The following NSRP1 variants were observed in gnomAD, a reference collection of about 807,000 sequenced individuals.
NSRP1 encodes nuclear speckle splicing regulatory protein 1, also known as coiled-coil domain containing 55.
A neutral mutation model predicts 54.7 loss-of-function variants in NSRP1; 24 were observed. The observed-to-expected ratio is 0.44, with a 90% CI of 0.32 to 0.62. The LOEUF is 0.62. Ranked by LOEUF, NSRP1 falls within the 20% of genes least tolerant of loss-of-function variation. The probability of loss-of-function intolerance (pLI) is 0.06; values close to 1 mark genes in which losing one functional copy is unlikely to be tolerated. For missense variants in NSRP1, 596 were observed against 651.2 expected, an observed-to-expected ratio of 0.92 and a Z score of 0.92; for synonymous variants, 210 against 213.8, an observed-to-expected ratio of 0.98 and a Z score of 0.15.
Position 30,160,486 on chromosome 17 carries a change from TGTTCAG to T in NSRP1, c.115-12052_115-12047del, listed in dbSNP as rs1210298599. 2.0e-5 allele frequency among the ~76,000 whole-genome samples: 3 copies of T among 152,242 alleles called. No individual in the cohort carries two copies. The East Asian group carries it at 5.8e-4, about 29-fold the overall frequency. On this transcript the variant is annotated intron_variant, in intron 2 of 6. Transcript: ENST00000247026. ...TGATTCAATCTCATTACTCGTTGTT[TGTTCAG>T]GTTTTCTGTTTCTTCCTGATTCAAT...
intron 2 of NSRP1, among the ~76,000 whole-genome samples, chr17:30,157,201 A>G (rs1025490642): frequency 6.6e-6 from 1 of 152,066 alleles, no homozygotes; most frequent in Non-Finnish European, 1.5e-5. Context: ...GGGTAAGATG[A>G]TATCATTGTG....
chr17:30,123,158 G>A (rs2151874924), intron 2 of NSRP1, among the ~76,000 whole-genome samples: 1 of 152,112 alleles, frequency 6.6e-6, no homozygotes, highest in African/African-American at 2.4e-5. Flanking sequence ...GGAGTGCAGT[G>A]GCACGAACTT....
chr17:30,177,622 A>G (rs1905171693), intron 3 of NSRP1, among the ~76,000 whole-genome samples: 1 of 152,186 alleles, frequency 6.6e-6, no homozygotes, highest in African/African-American at 2.4e-5. Flanking sequence ...AAAGTTTAAT[A>G]TATAATACAG....
chr17:30,148,588 A>G (rs1282989905), intron 2 of NSRP1, among the ~76,000 whole-genome samples: 1 of 152,190 alleles, frequency 6.6e-6, no homozygotes, highest in East Asian at 1.9e-4. Flanking sequence ...AGGAAGGGAA[A>G]CAGTTTAGGA....
At chr17:30,138,810 C>A (rs1439137219) in intron 2 of NSRP1, among the ~76,000 whole-genome samples, 1 of 150,262 alleles carries the variant, frequency 6.7e-6, no homozygotes. Context: ...CACAAAAGTT[C>A]CAATTTCTCT....
chr17:30,180,834 T>C (rs1905267615), intron 5 of NSRP1, 74 bp from the exon 6 acceptor site: 1 of 946,206 alleles, frequency 1.1e-6, no homozygotes. Flanking sequence ...GTATGTTATA[T>C]ACTGTATGTC....
intron 2 of NSRP1, among the ~76,000 whole-genome samples, chr17:30,139,203 C>T (rs2071780685): frequency 6.6e-6 from 1 of 152,072 alleles, no homozygotes; most frequent in Non-Finnish European, 1.5e-5. Flanking sequence ...AGGCGTGAGC[C>T]ACCGCACCCA....
chr17:30,125,751 TTGGCCAGGC>T (rs1410181974), intron 2 of NSRP1: 3 of 152,292 alleles, frequency 2.0e-5, no homozygotes, highest in Admixed American at 1.3e-4. Flanking sequence ...TTTTGCCATG[TTGGCCAGGC>T]TGGTCTTGAA....
chr17:30,175,127 A>G (rs929546859), intron 3 of NSRP1, among the ~76,000 whole-genome samples: 1 of 152,092 alleles, frequency 6.6e-6, no homozygotes, highest in African/African-American at 2.4e-5. Context: ...TTATTTTTCT[A>G]ACTTTTTGAG....
chr17:30,126,966 A>C (rs927662140), intron 2 of NSRP1, among the ~76,000 whole-genome samples: 1 of 152,214 alleles, frequency 6.6e-6, no homozygotes, highest in African/African-American at 2.4e-5. Context: ...TCCAGATAGT[A>C]AATGTTTTAG....
chr17:30,126,588 A>G (rs1461615266), intron 2 of NSRP1, among the ~76,000 whole-genome samples: 1 of 152,072 alleles, frequency 6.6e-6, no homozygotes, highest in Non-Finnish European at 1.5e-5. Context: ...CATCTAGCCT[A>G]GCTTCGTATT....
At chr17:30,134,077 G>A (rs1056254879) in intron 2 of NSRP1, among the ~76,000 whole-genome samples, 50 of 152,250 alleles carry the variant, frequency 3.3e-4, no homozygotes, top group Middle Eastern at 3.4e-3. Context: ...CCATTGTAGG[G>A]TTATTAGTTG....
At chr17:30,133,358 C>T (rs2071719701) in intron 2 of NSRP1, among the ~76,000 whole-genome samples, 1 of 152,036 alleles carries the variant, frequency 6.6e-6, no homozygotes, top group Non-Finnish European at 1.5e-5. Flanking sequence ...CATTCATCTC[C>T]TTGTACATCT....
At chr17:30,182,870 G>C (rs968985879) in intron 6 of NSRP1, among the ~76,000 whole-genome samples, 1 of 148,728 alleles carries the variant, frequency 6.7e-6, no homozygotes, top group African/African-American at 2.5e-5. Flanking sequence ...GGAGGCGGAG[G>C]TTGCAGTGAG....
Position 30,179,280 on chromosome 17 carries a change from G to A in NSRP1, c.491G>A (p.Arg164Lys). 1 of 1,581,402 alleles carries A rather than the reference G, an allele frequency of 6.3e-7. No homozygotes were observed. The highest frequency in any genetic ancestry group is 1.2e-5 in the South Asian group (1 of 84,956). ...ERAEEEEREKRAAALEACLDV... is the reference protein window; with the variant it reads ...ERAEEEEREKKAAALEACLDV... ...GCTGAAGAAGAAGAAAGAGAAAAGA[G>A]GGCTGCTGCACTGGAAGGTAAAATG... The change falls in exon 5 of 7, where the codon AGG becomes AAG. Residue 164 changes from arginine (R) to lysine (K), a missense_variant. Arg to Lys is a conservative substitution (Grantham distance 26). Coordinates refer to ENST00000247026, the MANE Select transcript of NSRP1 (RefSeq NM_032141.4).
intron 6 of NSRP1, among the ~76,000 whole-genome samples, chr17:30,181,536 C>T (rs540638736): frequency 6.0e-5 from 9 of 150,308 alleles, no homozygotes; most frequent in Non-Finnish European, 1.2e-4. Flanking sequence ...ACTACAGGTG[C>T]AAGCCATCAT....
chr17:30,178,179 C>G lies in NSRP1; in HGVS notation c.280C>G (p.Leu94Val), dbSNP rs1905190157. 6.2e-7 allele frequency: 1 copy of G among 1,605,326 alleles called. No homozygotes were observed. The change falls in exon 4 of 7, where the codon CTT becomes GTT. Residue 94 changes from leucine (L) to valine (V), a missense_variant. Physicochemically the swap from Leu to Val is conservative, Grantham distance 32. Transcript: ENST00000247026. ...AAAGGAGGAAAATAATCCCAAATTG[C>G]TTTTGGGGAAAGACAGAAAGGTTTG... ...KKKEENNPKLLLGKDRKPKYI... is the reference protein window; with the variant it reads ...KKKEENNPKLVLGKDRKPKYI...
chr17:30,173,376 G>A (rs1258695222), intron 3 of NSRP1, among the ~76,000 whole-genome samples: 3 of 152,148 alleles, frequency 2.0e-5, no homozygotes, highest in Admixed American at 6.5e-5. Context: ...AACTCAAAAA[G>A]GATAAAGTGC....
At chr17:30,176,008 C>G (rs1472458732) in intron 3 of NSRP1, among the ~76,000 whole-genome samples, 7 of 150,966 alleles carry the variant, frequency 4.6e-5, no homozygotes, top group South Asian at 4.2e-4. Context: ...GAACCCCCCC[C>G]CCAAAAAAAA....
Sources: gnomAD v4.1 joint callset for allele counts (sites outside exome capture counted in the v4.1 genomes callset) on GRCh38, gnomAD v4.1.1 for gene constraint, MANE v1.5 for transcripts, NCBI Gene and HGNC (gene_info 2026-07-23, HGNC 2026-07-21) for gene names.